IL1RAPL1: variants seen among roughly 807,000 people sequenced by gnomAD.
IL1RAPL1 encodes the protein interleukin-1 receptor accessory protein-like 1.
In IL1RAPL1, 3 loss-of-function variants were observed where a neutral mutation model predicts 48.4. That is an observed-to-expected ratio of 0.06 (90% CI 0.03 to 0.16). IL1RAPL1 has a LOEUF of 0.16. Ranked by LOEUF, IL1RAPL1 falls within the 10% of genes least tolerant of loss-of-function variation. The probability of loss-of-function intolerance (pLI) is 1.00; values close to 1 mark genes in which losing one functional copy is unlikely to be tolerated. For missense variants in IL1RAPL1, 349 were observed against 530.6 expected (o/e 0.66, Z 3.36); for synonymous variants, 185 against 187.7 (o/e 0.99, Z 0.12).
chrX:29,160,418 G>C (rs1315005899), intron 2 of IL1RAPL1, among the ~76,000 whole-genome samples: 2 of 111,494 alleles, frequency 1.8e-5, no homozygotes, highest in African/African-American at 6.5e-5. Flanking sequence ...TTCTATGAAA[G>C]TATCTTCTTT....
intron 2 of IL1RAPL1, among the ~76,000 whole-genome samples, chrX:29,160,631 A>T (rs1929663749): frequency 8.9e-6 from 1 of 112,539 alleles, no homozygotes; most frequent in South Asian, 3.6e-4. Context: ...ACAAATGTTA[A>T]TGGAGTACCT....
At chrX:29,206,610 A>G (rs1244242163) in intron 2 of IL1RAPL1, among the ~76,000 whole-genome samples, 1 of 111,885 alleles carries the variant, frequency 8.9e-6, no homozygotes, top group Non-Finnish European at 1.9e-5. Flanking sequence ...TACTTTTCCT[A>G]TAAGTAAAAT....
At position 29,521,012 on chromosome X, in the gene IL1RAPL1, T is replaced by C. The variant is rs750220319; in HGVS notation, c.703+121704T>C. On this transcript the variant is annotated intron_variant, in intron 5 of 10. Coordinates refer to ENST00000378993, the MANE Select transcript of IL1RAPL1 (RefSeq NM_014271.4). ...GTTTGTAATGTAATCCATGGTATGGTAAATATGTACATCAAAAATAAACTA... is the reference window on the plus strand; with the variant it reads ...GTTTGTAATGTAATCCATGGTATGGCAAATATGTACATCAAAAATAAACTA... Among the ~76,000 whole-genome samples the C allele has an allele frequency of 7.2e-5, 8 of 111,306 alleles. No homozygotes were observed. The South Asian group carries it at 3.0e-3, about 42-fold the overall frequency.
chrX:29,710,429 A>AT (rs1208161694), intron 6 of IL1RAPL1, among the ~76,000 whole-genome samples: 3 of 106,819 alleles, frequency 2.8e-5, no homozygotes, highest in Non-Finnish European at 5.8e-5. Context: ...TGATTATATG[A>AT]TTTTTTTGTT....
intron 6 of IL1RAPL1, among the ~76,000 whole-genome samples, chrX:29,869,584 T>C (rs1180713005): frequency 2.7e-5 from 3 of 111,426 alleles, no homozygotes; most frequent in Admixed American, 1.9e-4. Context: ...ATTAAGGTAA[T>C]GACATGAACT....
At chrX:29,740,123 A>G (rs1465779919) in intron 6 of IL1RAPL1, among the ~76,000 whole-genome samples, 3 of 48,810 alleles carry the variant, frequency 6.1e-5, no homozygotes, top group African/African-American at 1.0e-4. Flanking sequence ...AAAAAAACAG[A>G]AAAAAAAAAA....
chrX:28,746,148 C>A (rs918926046), intron 1 of IL1RAPL1, among the ~76,000 whole-genome samples: 1 of 110,562 alleles, frequency 9.0e-6, no homozygotes, highest in South Asian at 3.9e-4. Flanking sequence ...ACATATACAC[C>A]ATGGAATACT....
intron 1 of IL1RAPL1, among the ~76,000 whole-genome samples, chrX:28,698,165 A>G (rs1935256356): frequency 9.0e-6 from 1 of 111,697 alleles, no homozygotes; most frequent in Non-Finnish European, 1.9e-5. Flanking sequence ...AATAAAGGTG[A>G]AAGTGATTTG....
At chrX:29,738,423 A>C (rs1601802169) in intron 6 of IL1RAPL1, among the ~76,000 whole-genome samples, 1 of 92,876 alleles carries the variant, frequency 1.1e-5, no homozygotes, top group Admixed American at 1.1e-4. Flanking sequence ...ATTTTATTTC[A>C]TTTCATTTCA....
intron 2 of IL1RAPL1, among the ~76,000 whole-genome samples, chrX:29,024,722 G>A (rs1226334098): frequency 9.0e-6 from 1 of 111,662 alleles, no homozygotes; most frequent in African/African-American, 3.2e-5. Context: ...TTTAATGTCA[G>A]TATCTATTAT....
intron 2 of IL1RAPL1, among the ~76,000 whole-genome samples, chrX:29,175,073 C>CAAAAAAAA (rs3065738): frequency 1.6e-5 from 1 of 61,555 alleles, no homozygotes; most frequent in African/African-American, 6.3e-5. Context: ...GACTCCGTCT[C>CAAAAAAAA]AAAAAAAAAA....
At chrX:29,799,400 A>C (rs1929824229) in intron 6 of IL1RAPL1, among the ~76,000 whole-genome samples, 2 of 111,988 alleles carry the variant, frequency 1.8e-5, no homozygotes, top group Admixed American at 1.9e-4. Flanking sequence ...GTCTTGTGTT[A>C]AGAACTTTTC....
intron 2 of IL1RAPL1, among the ~76,000 whole-genome samples, chrX:29,201,794 C>T (rs988867504): frequency 1.8e-5 from 2 of 110,208 alleles, no homozygotes; most frequent in Admixed American, 9.6e-5. Flanking sequence ...CAGGTTCAAG[C>T]GATTCTCCTG....
At chrX:29,338,315 T>C (rs1476398323) in intron 3 of IL1RAPL1, among the ~76,000 whole-genome samples, 1 of 111,684 alleles carries the variant, frequency 9.0e-6, no homozygotes, top group Admixed American at 9.5e-5. Flanking sequence ...CATTTGAACA[T>C]AGAATGCTCT....
At chrX:28,759,626 C>T (rs1049269114) in intron 1 of IL1RAPL1, among the ~76,000 whole-genome samples, 4 of 111,651 alleles carry the variant, frequency 3.6e-5, no homozygotes, top group East Asian at 2.8e-4. Context: ...ACCAACTGTA[C>T]GTATTTTAGG....
intron 2 of IL1RAPL1, among the ~76,000 whole-genome samples, chrX:28,975,136 G>A (rs573810452): frequency 1.8e-5 from 2 of 111,561 alleles, no homozygotes; most frequent in East Asian, 2.8e-4. Flanking sequence ...CTCATACCCC[G>A]TCATTTGTTC....
chrX:28,613,567 G>C (rs1242653348), intron 1 of IL1RAPL1, among the ~76,000 whole-genome samples: 1 of 112,624 alleles, frequency 8.9e-6, no homozygotes, highest in Non-Finnish European at 1.9e-5. Context: ...TTTAGAATGT[G>C]CTTTCTTTCC....
At chrX:29,710,517 A>T (rs62586515) in intron 6 of IL1RAPL1, among the ~76,000 whole-genome samples, 1,198 of 107,735 alleles carry the variant, frequency 0.011, 7 homozygotes, top group Non-Finnish European at 0.017. Context: ...CCATCCTTTC[A>T]TCCCTGGGAA....
Position 28,766,008 on chromosome X carries a change from T to C in IL1RAPL1, c.-24-23312T>C, listed in dbSNP as rs191339200. Among the ~76,000 whole-genome samples, 3 of 111,823 alleles carry C rather than the reference T, an allele frequency of 2.7e-5. No homozygotes were observed. The Admixed American group carries it at 2.9e-4, about 11-fold the overall frequency. On this transcript the variant is annotated intron_variant, in intron 1 of 10. Transcript: ENST00000378993. Reference sequence around the variant, plus strand: ...AAGATCTCACCACCAAAGTGTAGCATGTCTGTACCCAATAGGAAAATGCAT... The same window carrying C: ...AAGATCTCACCACCAAAGTGTAGCACGTCTGTACCCAATAGGAAAATGCAT...
Sources: gnomAD v4.1 joint callset for allele counts (sites outside exome capture counted in the v4.1 genomes callset) on GRCh38, gnomAD v4.1.1 for gene constraint, MANE v1.5 for transcripts, NCBI Gene and HGNC (gene_info 2026-07-23, HGNC 2026-07-21) for gene names.